ECI2: variants seen among roughly 807,000 people sequenced by gnomAD.
ECI2 encodes the protein enoyl-CoA delta isomerase 2, also known as D3,D2-enoyl-CoA isomerase.
ECI2 carries 27 observed loss-of-function variants against 38.4 expected under a neutral mutation model. That is an observed-to-expected ratio of 0.70 (90% CI 0.52 to 0.97). The LOEUF is 0.97. ECI2 is among the 50% of genes least tolerant of loss of function. The pLI is 0.00. For synonymous variants in ECI2, 168 were observed against 172.0 expected, an observed-to-expected ratio of 0.98 and a Z score of 0.18; for missense variants, 470 against 474.4, an observed-to-expected ratio of 0.99 and a Z score of 0.09.
At chr6:4,129,492 T>C (rs144172837) in intron 4 of ECI2, among the ~76,000 whole-genome samples, 14 of 152,324 alleles carry the variant, frequency 9.2e-5, no homozygotes, top group African/African-American at 3.4e-4. Context: ...AATTATTTTA[T>C]TGTTAAGTAA....
intron 8 of ECI2, 75 bp from the exon 9 acceptor site, chr6:4,117,526 G>T: frequency 6.4e-7 from 1 of 1,550,410 alleles, no homozygotes; most frequent in Non-Finnish European, 8.7e-7. Context: ...GCTTTCAGGA[G>T]GCTTAGAGAG....
At chr6:4,119,321 T>C (rs1221411900) in intron 7 of ECI2, 46 bp from the exon 8 acceptor site, 2 of 281,056 alleles carry the variant, frequency 7.1e-6, no homozygotes, top group East Asian at 1.3e-4. Flanking sequence ...CATGTGTGAT[T>C]TTTTTTTTTT....
intron 4 of ECI2, chr6:4,130,067 T>TA: frequency 6.3e-7 from 1 of 1,584,716 alleles, no homozygotes; most frequent in Non-Finnish European, 8.6e-7. Context: ...ACACCAACCT[T>TA]AGATGGCTTC....
At chr6:4,124,413 A>G (rs1372083594) in intron 7 of ECI2, among the ~76,000 whole-genome samples, 1 of 152,208 alleles carries the variant, frequency 6.6e-6, no homozygotes, top group Non-Finnish European at 1.5e-5. Flanking sequence ...AGTGGTAAAA[A>G]CCATATGCTC....
intron 7 of ECI2, among the ~76,000 whole-genome samples, chr6:4,120,542 C>T (rs758561663): frequency 3.9e-5 from 6 of 152,016 alleles, no homozygotes; most frequent in African/African-American, 4.8e-5. Context: ...GCCTGGCCAA[C>T]GTAGTGAAAC....
In ECI2 at chr6:4,116,027, G is replaced by A. The variant is rs1447483988; in HGVS notation, c.1032C>T (p.Ala344=). The A allele has an allele frequency of 3.7e-6, 6 of 1,611,950 alleles. No individual in the cohort carries two copies. Among genetic ancestry groups the A allele is most frequent in the Non-Finnish European group, 5.1e-6 (6 of 1,179,238 alleles). The change falls in exon 10 of 10, where the codon GCC becomes GCT. Residue 344 remains alanine (A), a splice_region_variant and synonymous_variant. Transcript: ENST00000380118. ...TGATTACCTCTTTTGAAATTCTCAA[G>A]GCCTGGAAAAACAAAACCAACAATA... The part of the protein sequence containing the change: ...LKAFAKLPPN[A]LRISKEVIRK...
chr6:4,115,820 C>T lies in ECI2; in HGVS notation c.*54G>A. On this transcript the variant is annotated 3_prime_UTR_variant, in exon 10 of 10. Transcript: ENST00000380118. ...CTTATTTAGTTCCAGTACTGGAAATCAGAGGTAACAGCACATCCTTCCTTG... is the reference window on the plus strand; with the variant it reads ...CTTATTTAGTTCCAGTACTGGAAATTAGAGGTAACAGCACATCCTTCCTTG... 1 of 1,562,662 alleles carries T rather than the reference C, an allele frequency of 6.4e-7. No individual in the cohort carries two copies. Among genetic ancestry groups the T allele is most frequent in the South Asian group, 1.2e-5 (1 of 80,802 alleles).
chr6:4,130,133 CATT>C, intron 4 of ECI2: 1 of 1,613,494 alleles, frequency 6.2e-7, no homozygotes, highest in Non-Finnish European at 8.5e-7. Flanking sequence ...TTTCTGCTTC[CATT>C]ATTAGGAAAA....
At position 4,134,551 on chromosome 6, in the gene ECI2, AAAG is replaced by A. The variant is rs768858996; in HGVS notation, c.51-843_51-841del. Among the ~76,000 whole-genome samples, 5 of 152,210 alleles carry A rather than the reference AAAG, an allele frequency of 3.3e-5. No individual in the cohort carries two copies. In the East Asian group the frequency reaches 5.8e-4, roughly 18 times the overall value. On this transcript the variant is annotated intron_variant, in intron 1 of 9. Coordinates refer to ENST00000380118, the MANE Select transcript of ECI2 (RefSeq NM_206836.3). ...ACTGAATAATAGAGTTAATGGCAAAAAAGATGATTAAAATAATACAGGTTACAA... is the reference window on the plus strand; with the variant it reads ...ACTGAATAATAGAGTTAATGGCAAAAATGATTAAAATAATACAGGTTACAA...
chr6:4,124,337 G>A (rs557731732), intron 7 of ECI2, among the ~76,000 whole-genome samples: 5 of 152,194 alleles, frequency 3.3e-5, no homozygotes, highest in Admixed American at 3.3e-4. Context: ...AAGAATTAAG[G>A]ATGCTATTAT....
chr6:4,132,460 A>G (rs763818642), intron 2 of ECI2, among the ~76,000 whole-genome samples: 1 of 152,020 alleles, frequency 6.6e-6, no homozygotes, highest in Non-Finnish European at 1.5e-5. Flanking sequence ...TTAGAGATTC[A>G]CTTCCCAGAA....
intron 3 of ECI2, 79 bp downstream of exon 3, chr6:4,130,688 C>A: frequency 6.2e-7 from 1 of 1,600,466 alleles, no homozygotes; most frequent in South Asian, 1.1e-5. Context: ...CTTGAAGACT[C>A]CATTTACAAT....
Position 4,132,608 on chromosome 6 carries a change from G to C in ECI2, c.213+941C>G, listed in dbSNP as rs181604287. Among the ~76,000 whole-genome samples the C allele has an allele frequency of 2.6e-5, 4 of 152,254 alleles. No individual in the cohort carries two copies. In the East Asian group the frequency reaches 7.7e-4, roughly 29 times the overall value. ...AGCCCAGAGAGGCAGACATGCCAGGGAAGTCTTTGGCATTGAAACTTAAGA... is the reference window on the plus strand; with the variant it reads ...AGCCCAGAGAGGCAGACATGCCAGGCAAGTCTTTGGCATTGAAACTTAAGA... On this transcript the variant is annotated intron_variant, in intron 2 of 9. Coordinates refer to ENST00000380118, the MANE Select transcript of ECI2 (RefSeq NM_206836.3).
At chr6:4,125,023 C>A in intron 7 of ECI2, 1 of 688,630 alleles carries the variant, frequency 1.5e-6, no homozygotes, top group African/African-American at 1.8e-5. Flanking sequence ...TGATTAGAAT[C>A]CGGAACAGTC....
chr6:4,134,576 A>G (rs1773641193), intron 1 of ECI2, among the ~76,000 whole-genome samples: 1 of 152,236 alleles, frequency 6.6e-6, no homozygotes, highest in Admixed American at 6.5e-5. Context: ...AATACAGGTT[A>G]CAAAGCCCAA....
intron 1 of ECI2, chr6:4,135,290 C>A (rs1214912707): frequency 3.7e-6 from 5 of 1,352,380 alleles, no homozygotes; most frequent in African/African-American, 1.5e-5. Context: ...TAGCCCTGAC[C>A]TCCCGACGCG....
intron 7 of ECI2, 103 bp from the exon 8 acceptor site, chr6:4,119,378 T>A: frequency 2.4e-6 from 2 of 840,958 alleles, no homozygotes; most frequent in Non-Finnish European, 3.6e-6. Context: ...TGCAGTGAAG[T>A]GGCGCGATCT....
chr6:4,120,131 C>T (rs1772605956), intron 7 of ECI2, among the ~76,000 whole-genome samples: 1 of 152,124 alleles, frequency 6.6e-6, no homozygotes, highest in African/African-American at 2.4e-5. Flanking sequence ...CCACTAGCAA[C>T]GTATGAAAGG....
In ECI2 at chr6:4,117,427, T is replaced by C; in HGVS notation, c.910A>G (p.Lys304Glu). Residue 304 changes from lysine to glutamate, a missense_variant, in exon 9 of 10, where the codon AAG (lysine) becomes GAG (glutamate). Lys to Glu is a moderately conservative substitution (Grantham distance 56). Transcript: ENST00000380118. ...CATGCCTCTCCCGCTGTTAACTTCTTTCCAAAAATAAGCATCTCTGTTGCC... is the reference window on the plus strand; with the variant it reads ...CATGCCTCTCCCGCTGTTAACTTCTCTCCAAAAATAAGCATCTCTGTTGCC... ...AKATEMLIFG[K>E]KLTAGEACAQ... 6.2e-7 allele frequency: 1 copy of C among 1,613,278 alleles called. No individual in the cohort carries two copies. The highest frequency in any genetic ancestry group is 8.5e-7 in the Non-Finnish European group (1 of 1,179,820).
Sources: allele counts gnomAD v4.1 joint callset (sites outside exome capture counted in the v4.1 genomes callset), GRCh38; gene constraint gnomAD v4.1.1; transcripts MANE v1.5; gene names NCBI Gene and HGNC (gene_info 2026-07-23, HGNC 2026-07-21).